The following SPG11 variants were observed in gnomAD, a reference collection of about 807,000 sequenced individuals.
SPG11 encodes spatacsin.
Under a neutral mutation model 274.0 loss-of-function variants are expected in SPG11, and 222 were observed. That is an observed-to-expected ratio of 0.81 (90% CI 0.73 to 0.91). The LOEUF (loss-of-function observed/expected upper bound fraction) is 0.91, where lower values mean the gene tolerates loss of function less well. SPG11 is among the 40% of genes least tolerant of loss of function. SPG11 has a pLI of 0.00. For synonymous variants in SPG11, 1,144 were observed against 1,039.7 expected (o/e 1.10, Z -1.93); for missense variants, 3,114 against 2,872.7 (o/e 1.08, Z -1.92).
chr15:44,571,041 C>T (rs1178464510), intron 33 of SPG11, among the ~76,000 whole-genome samples: 1 of 152,134 alleles, frequency 6.6e-6, no homozygotes, highest in Non-Finnish European at 1.5e-5. Flanking sequence ...GGTCTCAGGG[C>T]CTAATCAAGT....
chr15:44,654,745 A>AG (rs1021604242), intron 4 of SPG11, among the ~76,000 whole-genome samples: 24 of 152,044 alleles, frequency 1.6e-4, no homozygotes, highest in African/African-American at 5.6e-4. Context: ...CTGAGACAGG[A>AG]GAATCGCTTG....
At chr15:44,600,702 ACTCT>A (rs748054788) in intron 20 of SPG11, 70 bp from the exon 21 acceptor site, 66 of 1,502,226 alleles carry the variant, frequency 4.4e-5, no homozygotes, top group Non-Finnish European at 6.0e-5. Context: ...TGCACATGGA[ACTCT>A]CTAATGATAA....
chr15:44,598,743 C>G lies in SPG11; in HGVS notation c.3780G>C (p.Leu1260Phe). 1.2e-6 allele frequency: 2 copies of G among 1,614,158 alleles called. No homozygotes were observed. The highest frequency in any genetic ancestry group is 1.7e-6 in the Non-Finnish European group (2 of 1,180,028). Residue 1260 changes from leucine (L) to phenylalanine (F), a missense_variant, in exon 22 of 40, where the codon TTG (leucine) becomes TTC (phenylalanine). Coordinates refer to ENST00000261866, the MANE Select transcript of SPG11 (RefSeq NM_025137.4). ...IGAACVCFLE[L>F]LGLDSLKLRV... ...TGAGCTTGAGGCTGTCAAGGCCAAG[C>G]AATTCTAAGAAACAAACACATGCAG...
intron 4 of SPG11, 115 bp downstream of exon 4, chr15:44,656,980 C>G (rs980798679): frequency 3.5e-6 from 3 of 867,996 alleles, no homozygotes; most frequent in Non-Finnish European, 5.4e-6. Flanking sequence ...AGAACATGAT[C>G]TAACTGAATA....
At chr15:44,620,031 TA>T in intron 15 of SPG11, 158 bp downstream of exon 15, 1 of 695,826 alleles carries the variant, frequency 1.4e-6, no homozygotes, top group Non-Finnish European at 2.4e-6. Flanking sequence ...AGTATGATTT[TA>T]AAACCTCACT....
At chr15:44,620,667 A>G in intron 14 of SPG11, 1 of 374,556 alleles carries the variant, frequency 2.7e-6, no homozygotes. Flanking sequence ...CCCAAGTAGC[A>G]GGGACTACAG....
At position 44,625,731 on chromosome 15, in the gene SPG11, C is replaced by T. The variant is rs948700527; in HGVS notation, c.2244+600G>A. Reference sequence around the variant, plus strand: ...TCTTGCTCTGTTGCCCAGGCTGGAACGCAGTGGCACCATCTTGGCTCACTG... The same window carrying T: ...TCTTGCTCTGTTGCCCAGGCTGGAATGCAGTGGCACCATCTTGGCTCACTG... On this transcript the variant is annotated intron_variant, in intron 11 of 39. Coordinates refer to ENST00000261866, the MANE Select transcript of SPG11 (RefSeq NM_025137.4). Among the ~76,000 whole-genome samples, 182 of 152,132 alleles carry T rather than the reference C, an allele frequency of 1.2e-3. 1 individual carries two copies. The highest frequency in any genetic ancestry group is 4.1e-3 in the African/African-American group (171 of 41,530).
chr15:44,607,307 G>A (rs1432988331), intron 19 of SPG11, among the ~76,000 whole-genome samples: 1 of 152,104 alleles, frequency 6.6e-6, no homozygotes, highest in Non-Finnish European at 1.5e-5. Flanking sequence ...TTTGAGACGG[G>A]GTCTCGCTCT....
Position 44,629,385 on chromosome 15 carries a change from A to C in SPG11, c.1739T>G (p.Val580Gly). ...HLSSHLYLRN[V>G]EELIPALDLL... ...ATCCAATGCTGGTATCAGCTCTTCC[A>C]CATCTGAGAAAGAACCAAAGAAATT... Residue 580 changes from valine (V) to glycine (G), a missense_variant, in exon 9 of 40, where the codon GTG (valine) becomes GGG (glycine). By Grantham distance (109) the Val-to-Gly change is moderately radical. Coordinates refer to ENST00000261866, the MANE Select transcript of SPG11 (RefSeq NM_025137.4). 6.2e-7 allele frequency: 1 copy of C among 1,613,982 alleles called. No homozygotes were observed. Among genetic ancestry groups the C allele is most frequent in the Admixed American group, 1.7e-5 (1 of 60,010 alleles).
chr15:44,604,216 CT>C (rs2083263681), intron 20 of SPG11: 1 of 412,254 alleles, frequency 2.4e-6, no homozygotes, highest in African/African-American at 2.1e-5. Flanking sequence ...AAAAAAAAGG[CT>C]TGAAGACCCT....
At chr15:44,605,753 C>A (rs1239479324) in intron 20 of SPG11, among the ~76,000 whole-genome samples, 1 of 152,126 alleles carries the variant, frequency 6.6e-6, no homozygotes, top group South Asian at 2.1e-4. Flanking sequence ...TGATACTATA[C>A]TGGAAATGAA....
intron 3 of SPG11, among the ~76,000 whole-genome samples, chr15:44,658,484 A>T (rs889346418): frequency 4.6e-5 from 7 of 150,668 alleles, no homozygotes; most frequent in Non-Finnish European, 4.4e-5. Context: ...TTTAAGACAG[A>T]GTCTCAGTCT....
chr15:44,604,783 C>T (rs2140991390), intron 20 of SPG11, among the ~76,000 whole-genome samples: 1 of 151,610 alleles, frequency 6.6e-6, no homozygotes, highest in African/African-American at 2.4e-5. Context: ...AAAAAATTAG[C>T]CAGGCGTGGT....
At chr15:44,657,818 C>T (rs972541660) in intron 3 of SPG11, among the ~76,000 whole-genome samples, 1 of 152,218 alleles carries the variant, frequency 6.6e-6, no homozygotes, top group African/African-American at 2.4e-5. Context: ...TAACAAACAT[C>T]CTTAAAAGTT....
chr15:44,631,080 A>G (rs1360652786), intron 8 of SPG11, among the ~76,000 whole-genome samples: 1 of 152,344 alleles, frequency 6.6e-6, no homozygotes, highest in African/African-American at 2.4e-5. Flanking sequence ...TTAAAAATAT[A>G]AATTGTGCAT....
chr15:44,592,829 A>T (rs2082937436), intron 26 of SPG11, among the ~76,000 whole-genome samples: 1 of 152,022 alleles, frequency 6.6e-6, no homozygotes, highest in Non-Finnish European at 1.5e-5. Context: ...CAATAAATAA[A>T]TAAATAAATA....
chr15:44,591,791 A>T (rs946584515), intron 27 of SPG11, among the ~76,000 whole-genome samples: 1 of 152,090 alleles, frequency 6.6e-6, no homozygotes, highest in East Asian at 1.9e-4. Flanking sequence ...TGGGCAACAA[A>T]GCAAGACTTC....
intron 28 of SPG11, 102 bp downstream of exon 28, chr15:44,589,150 A>G: frequency 8.3e-7 from 1 of 1,202,904 alleles, no homozygotes. Context: ...ACTGTAAGTT[A>G]ATGTTACATG....
At chr15:44,610,063 C>T (rs756703181) in intron 18 of SPG11, among the ~76,000 whole-genome samples, 7 of 151,708 alleles carry the variant, frequency 4.6e-5, no homozygotes, top group African/African-American at 7.3e-5. Flanking sequence ...CTACCATGCC[C>T]GGCTAGTTTT....
Sources: gnomAD v4.1 joint callset for allele counts (sites outside exome capture counted in the v4.1 genomes callset) on GRCh38, gnomAD v4.1.1 for gene constraint, MANE v1.5 for transcripts, NCBI Gene and HGNC (gene_info 2026-07-23, HGNC 2026-07-21) for gene names.